LRRFIP2: variants seen among roughly 807,000 people sequenced by gnomAD.
LRRFIP2 encodes the protein leucine-rich repeat flightless-interacting protein 2.
In LRRFIP2, 109 loss-of-function variants were observed where a neutral mutation model predicts 125.9. That is an observed-to-expected ratio of 0.87 (90% CI 0.74 to 1.01). The LOEUF (loss-of-function observed/expected upper bound fraction) is 1.01. Ranked by LOEUF, LRRFIP2 falls within the 50% of genes least tolerant of loss-of-function variation. The pLI, the probability that LRRFIP2 is intolerant of heterozygous loss-of-function variation, is 0.00. For synonymous variants in LRRFIP2, 291 were observed against 293.1 expected (o/e 0.99, Z 0.07); for missense variants, 850 against 862.3 (o/e 0.99, Z 0.18).
At chr3:37,139,982 C>G (rs2095651882) in intron 2 of LRRFIP2, among the ~76,000 whole-genome samples, 1 of 152,188 alleles carries the variant, frequency 6.6e-6, no homozygotes, top group South Asian at 2.1e-4. Context: ...AACTACCAAA[C>G]CCAATAGAAT....
intron 2 of LRRFIP2, among the ~76,000 whole-genome samples, chr3:37,133,102 G>A (rs927716608): frequency 2.6e-5 from 4 of 152,198 alleles, no homozygotes; most frequent in African/African-American, 9.7e-5. Flanking sequence ...GTGCATGCCT[G>A]TAATCCCAGC....
intron 1 of LRRFIP2, among the ~76,000 whole-genome samples, chr3:37,152,872 T>A (rs1428393619): frequency 1.3e-5 from 2 of 152,218 alleles, no homozygotes; most frequent in East Asian, 3.9e-4. Context: ...TATCATCCAA[T>A]ATTTGTCCAT....
chr3:37,055,952 C>A (rs540517518), intron 25 of LRRFIP2, among the ~76,000 whole-genome samples: 13 of 152,324 alleles, frequency 8.5e-5, no homozygotes, highest in African/African-American at 3.1e-4. Flanking sequence ...CAATTTTCAC[C>A]TCTTTCATGA....
At chr3:37,144,039 T>C (rs1434786774) in intron 2 of LRRFIP2, 3 of 152,530 alleles carry the variant, frequency 2.0e-5, no homozygotes, top group Non-Finnish European at 2.9e-5. Context: ...TGCTTACAGG[T>C]GTCAGCGCTA....
At position 37,108,648 on chromosome 3, in the gene LRRFIP2, C is replaced by T. The variant is rs1477614354; in HGVS notation, c.646G>A (p.Gly216Ser). 1.9e-6 allele frequency: 3 copies of T among 1,609,786 alleles called. No homozygotes were observed. In the East Asian group the frequency reaches 6.7e-5, roughly 36 times the overall value. The part of the protein sequence containing the change: ...LYNGGLYNPY[G>S]PRTPSECSYY... ...CTATTTAGACTTACAGTTCGAGGAC[C>T]ATAAGGGTTATATAATCCACCATTG... Residue 216 changes from glycine to serine, a missense_variant, in exon 12 of 28, where the codon GGT becomes AGT. Transcript: ENST00000336686.
Position 37,094,888 on chromosome 3 carries a change from G to C in LRRFIP2, c.939C>G (p.Ala313=), listed in dbSNP as rs1247306162. The change falls in exon 17 of 28, where the codon GCC becomes GCG. Residue 313 remains alanine (A), a synonymous_variant. Coordinates refer to ENST00000336686, the MANE Select transcript of LRRFIP2 (RefSeq NM_006309.4). Reference sequence around the variant, plus strand: ...TTCCACTTAGAGGGGTTGTTGCTGAGGCAGAATTTCGAGATGAAGGCTAGA... The same window carrying C: ...TTCCACTTAGAGGGGTTGTTGCTGACGCAGAATTTCGAGATGAAGGCTAGA... ...NYTRPSSRNS[A]SATTPLSGNS... The C allele has an allele frequency of 6.2e-7, 1 of 1,612,934 alleles. No individual in the cohort carries two copies. Among genetic ancestry groups the C allele is most frequent in the East Asian group, 2.2e-5 (1 of 44,864 alleles).
intron 21 of LRRFIP2, among the ~76,000 whole-genome samples, chr3:37,068,932 G>A (rs1159397542): frequency 2.0e-5 from 3 of 152,144 alleles, no homozygotes; most frequent in Non-Finnish European, 4.4e-5. Context: ...GACCACTAAT[G>A]AACTGAACTT....
chr3:37,070,978 C>G (rs1437709256), intron 21 of LRRFIP2, among the ~76,000 whole-genome samples: 1 of 123,264 alleles, frequency 8.1e-6, no homozygotes, highest in Non-Finnish European at 1.9e-5. Flanking sequence ...CTACTTTGCC[C>G]CACGTTTTTT....
intron 27 of LRRFIP2, 68 bp downstream of exon 27, chr3:37,054,343 A>C (rs981920797): frequency 1.5e-6 from 2 of 1,299,076 alleles, no homozygotes; most frequent in African/African-American, 3.0e-5. Context: ...TACACAGCTA[A>C]GAATTATTTC....
At chr3:37,073,034 A>G in intron 20 of LRRFIP2, 152 bp from the exon 21 acceptor site, 1 of 585,324 alleles carries the variant, frequency 1.7e-6, no homozygotes, top group Non-Finnish European at 3.0e-6. Flanking sequence ...GTCTGCCAAA[A>G]GAAAAGATGA....
intron 2 of LRRFIP2, among the ~76,000 whole-genome samples, chr3:37,145,356 A>C (rs1171411938): frequency 6.6e-6 from 1 of 152,232 alleles, no homozygotes; most frequent in Non-Finnish European, 1.5e-5. Flanking sequence ...ACAAAAAGTA[A>C]AACTTTGGAT....
At chr3:37,113,086 C>A in intron 7 of LRRFIP2, 106 bp from the exon 8 acceptor site, 1 of 571,054 alleles carries the variant, frequency 1.8e-6, no homozygotes. Flanking sequence ...ATGAGATACA[C>A]AATAGTTTAC....
chr3:37,152,447 A>AT (rs967473307), intron 1 of LRRFIP2, among the ~76,000 whole-genome samples: 162 of 147,798 alleles, frequency 1.1e-3, no homozygotes, highest in East Asian at 9.3e-3. Context: ...TATTGAAATA[A>AT]TTTTTTTTTT....
At chr3:37,129,352 A>G (rs776051499) in intron 2 of LRRFIP2, among the ~76,000 whole-genome samples, 21 of 152,156 alleles carry the variant, frequency 1.4e-4, no homozygotes, top group African/African-American at 2.2e-4. Flanking sequence ...TCTTTCCTCA[A>G]ATCCGGGCCT....
chr3:37,093,435 A>G (rs1466310834), intron 17 of LRRFIP2, among the ~76,000 whole-genome samples: 1 of 152,062 alleles, frequency 6.6e-6, no homozygotes, highest in Non-Finnish European at 1.5e-5. Flanking sequence ...GAAAATAATA[A>G]TCACTCTCAC....
At chr3:37,160,821 G>A (rs570780482) in intron 1 of LRRFIP2, among the ~76,000 whole-genome samples, 1 of 151,300 alleles carries the variant, frequency 6.6e-6, no homozygotes, top group African/African-American at 2.4e-5. Context: ...ACAAGATCTT[G>A]GAAATTAAAA....
chr3:37,131,922 A>G (rs2095437431), intron 2 of LRRFIP2, among the ~76,000 whole-genome samples: 1 of 152,208 alleles, frequency 6.6e-6, no homozygotes, highest in African/African-American at 2.4e-5. Flanking sequence ...AATTGTGGCA[A>G]TTTCCCAGTC....
rs748528464 is a variant in LRRFIP2 at position 37,110,986 on chromosome 3, C to T, written c.513+5G>A. ...ACACATAAAGCCAAAAAAGTTTAGA[C>T]AAACCCGAGTGTAGTAGGCAGAGGT... On this transcript the variant is annotated splice_donor_5th_base_variant and intron_variant, in intron 9 of 27. Coordinates refer to ENST00000336686, the MANE Select transcript of LRRFIP2 (RefSeq NM_006309.4). 1.2e-6 allele frequency: 2 copies of T among 1,612,596 alleles called. No homozygotes were observed. The highest frequency in any genetic ancestry group is 2.2e-5 in the East Asian group (1 of 44,748).
At chr3:37,111,517 A>C (rs2094543556) in intron 8 of LRRFIP2, among the ~76,000 whole-genome samples, 3 of 152,226 alleles carry the variant, frequency 2.0e-5, no homozygotes, top group Non-Finnish European at 1.5e-5. Context: ...GAGTACGATA[A>C]ATATGGTTTG....
Sources: gnomAD v4.1 joint callset for allele counts (sites outside exome capture counted in the v4.1 genomes callset) on GRCh38, gnomAD v4.1.1 for gene constraint, MANE v1.5 for transcripts, NCBI Gene and HGNC (gene_info 2026-07-23, HGNC 2026-07-21) for gene names.